The following XIRP2 variants were observed in gnomAD, a reference collection of about 807,000 sequenced individuals.
XIRP2 encodes xin actin-binding repeat-containing protein 2.
A neutral mutation model predicts 277.0 loss-of-function variants in XIRP2; 236 were observed. The ratio of observed to expected loss-of-function variants is 0.85; its 90% CI spans 0.77 to 0.95. XIRP2 has a LOEUF of 0.95. XIRP2 is among the 40% of genes least tolerant of loss of function. The pLI is 0.00. For synonymous variants in XIRP2, 1,490 were observed against 1,416.5 expected (o/e 1.05, Z -1.17); for missense variants, 4,640 against 4,157.5 (o/e 1.12, Z -3.19).
At chr2:167,098,568 C>G (rs1171081280) in intron 2 of XIRP2, among the ~76,000 whole-genome samples, 1 of 152,220 alleles carries the variant, frequency 6.6e-6, no homozygotes, top group Non-Finnish European at 1.5e-5. Context: ...CATTCTCCAT[C>G]CGGTTTTGTT....
At chr2:167,170,143 A>T (rs79619223) in intron 3 of XIRP2, among the ~76,000 whole-genome samples, 2,700 of 152,268 alleles carry the variant, frequency 0.018, 76 homozygotes, top group African/African-American at 0.062. Context: ...AGTTATTGCA[A>T]TGATAAAGAA....
intron 2 of XIRP2, among the ~76,000 whole-genome samples, chr2:166,913,123 T>C (rs541389743): frequency 2.6e-5 from 4 of 152,296 alleles, no homozygotes; most frequent in South Asian, 4.1e-4. Flanking sequence ...CACTACTCAC[T>C]TCAAAGCTGT....
At chr2:167,222,017 T>C (rs1328371776) in intron 5 of XIRP2, among the ~76,000 whole-genome samples, 1 of 152,180 alleles carries the variant, frequency 6.6e-6, no homozygotes, top group Non-Finnish European at 1.5e-5. Context: ...TAGCTGACTA[T>C]TTGGTAACAG....
intron 2 of XIRP2, among the ~76,000 whole-genome samples, chr2:167,130,346 A>G (rs1256081331): frequency 6.6e-6 from 1 of 152,190 alleles, no homozygotes; most frequent in East Asian, 1.9e-4. Flanking sequence ...TTACAAGGAC[A>G]TTGATACACA....
At chr2:166,898,828 T>C (rs1427580424) in intron 1 of XIRP2, among the ~76,000 whole-genome samples, 1 of 152,138 alleles carries the variant, frequency 6.6e-6, no homozygotes, top group Non-Finnish European at 1.5e-5. Flanking sequence ...GTTCTGCACA[T>C]TTGTAATTTT....
At chr2:166,933,808 G>A (rs1685416002) in intron 2 of XIRP2, among the ~76,000 whole-genome samples, 1 of 152,006 alleles carries the variant, frequency 6.6e-6, no homozygotes, top group African/African-American at 2.4e-5. Flanking sequence ...TGATATTTGG[G>A]TCTTTTAAGG....
At position 167,244,156 on chromosome 2, in the gene XIRP2, G is replaced by A. The variant is rs745919983; in HGVS notation, c.2764G>A (p.Glu922Lys). The A allele has an allele frequency of 6.2e-6, 10 of 1,613,928 alleles. No individual in the cohort carries two copies. The Admixed American group carries it at 1.5e-4, about 24-fold the overall frequency. ...ATGGATTTTTGAAACCCAACCTCTG[G>A]AAGACATTAGAAAAGATAAAAAGGA... Reference protein sequence around the residue: ...QKWIFETQPLEDIRKDKKEYT... With the variant: ...QKWIFETQPLKDIRKDKKEYT... Residue 922 changes from glutamate to lysine, a missense_variant, in exon 9 of 11, where the codon GAA becomes AAA. Transcript: ENST00000409195.
intron 2 of XIRP2, among the ~76,000 whole-genome samples, chr2:166,917,765 A>G (rs548492596): frequency 6.6e-6 from 1 of 152,172 alleles, no homozygotes; most frequent in South Asian, 2.1e-4. Context: ...CCCTTGTGTT[A>G]TAAGAATATT....
chr2:167,053,291 C>T (rs531028324), intron 2 of XIRP2, among the ~76,000 whole-genome samples: 1 of 152,124 alleles, frequency 6.6e-6, no homozygotes, highest in African/African-American at 2.4e-5. Flanking sequence ...TCTTGCATGC[C>T]TATGTTTACA....
At chr2:167,183,526 G>C (rs1693075584) in intron 3 of XIRP2, among the ~76,000 whole-genome samples, 1 of 152,064 alleles carries the variant, frequency 6.6e-6, no homozygotes. Flanking sequence ...ACAATCTGCT[G>C]TTAAATCTAC....
chr2:166,936,659 T>C (rs562052854), intron 2 of XIRP2, among the ~76,000 whole-genome samples: 83 of 152,350 alleles, frequency 5.4e-4, no homozygotes, highest in African/African-American at 2.0e-3. Context: ...GAACCATTTA[T>C]TAAATAGGGA....
intron 2 of XIRP2, among the ~76,000 whole-genome samples, chr2:167,002,205 A>G (rs926093123): frequency 1.3e-5 from 2 of 152,104 alleles, no homozygotes; most frequent in Non-Finnish European, 2.9e-5. Flanking sequence ...AATCAGATTT[A>G]TTACCTAAAG....
intron 2 of XIRP2, among the ~76,000 whole-genome samples, chr2:166,960,020 C>T (rs1179241687): frequency 1.3e-5 from 2 of 151,864 alleles, no homozygotes; most frequent in African/African-American, 4.8e-5. Context: ...CTGCCAGTTT[C>T]TTGTCACATG....
intron 3 of XIRP2, among the ~76,000 whole-genome samples, chr2:167,173,275 C>T (rs1369467883): frequency 6.6e-6 from 1 of 151,718 alleles, no homozygotes; most frequent in African/African-American, 2.4e-5. Context: ...TCCCTGACAA[C>T]ACCACACTAT....
Position 167,247,325 on chromosome 2 carries a change from A to G in XIRP2, c.5933A>G (p.Gln1978Arg), listed in dbSNP as rs1393163890. The stretch of plus-strand genomic sequence containing the variant: ...CAGAGGAACAAAAATAGTCTTCTTC[A>G]GCCAAAGCCAGGTCCATTTGAGCCA... ...AVQRNKNSLL[Q>R]PKPGPFEPAA... Residue 1978 changes from glutamine (Q) to arginine (R), a missense_variant, in exon 9 of 11, where the codon CAG (glutamine) becomes CGG (arginine). Coordinates refer to ENST00000409195, the MANE Select transcript of XIRP2 (RefSeq NM_152381.6). 1.9e-6 allele frequency: 3 copies of G among 1,613,672 alleles called. No homozygotes were observed. The highest frequency in any genetic ancestry group is 2.5e-6 in the Non-Finnish European group (3 of 1,179,838).
At position 167,250,436 on chromosome 2, in the gene XIRP2, T is replaced by G. The variant is rs117054380; in HGVS notation, c.9044T>G (p.Ile3015Ser). ...AAAGTAAAAGAAGAAATAACACATA[T>G]TAAAACTCAAGCGGAAGATATGCTT... ...LEKVKEEITH[I>S]KTQAEDMLVS... The change falls in exon 9 of 11, where the codon ATT (isoleucine) becomes AGT (serine). Residue 3015 changes from isoleucine (I) to serine (S), a missense_variant. Transcript: ENST00000409195. 2 of 1,613,330 alleles carry G rather than the reference T, an allele frequency of 1.2e-6. No individual in the cohort carries two copies. Among genetic ancestry groups the G allele is most frequent in the Non-Finnish European group, 8.5e-7 (1 of 1,179,650 alleles).
chr2:167,064,847 G>A (rs1343091459), intron 2 of XIRP2, among the ~76,000 whole-genome samples: 4 of 151,772 alleles, frequency 2.6e-5, no homozygotes, highest in Non-Finnish European at 5.9e-5. Context: ...CCTTTTTTAA[G>A]GCTGAATAAT....
Position 167,244,510 on chromosome 2 carries a change from A to G in XIRP2, c.3118A>G (p.Arg1040Gly). ...DESIHKFQII[R>G]GISAQEIQTG... is the part of the protein sequence containing the mutation. Reference sequence around the variant, plus strand: ...AAGCATTCATAAATTTCAAATAATTAGAGGAATATCTGCTCAAGAAATACA... The same window carrying G: ...AAGCATTCATAAATTTCAAATAATTGGAGGAATATCTGCTCAAGAAATACA... Residue 1040 changes from arginine (R) to glycine (G), a missense_variant, in exon 9 of 11, where the codon AGA becomes GGA. Coordinates refer to ENST00000409195, the MANE Select transcript of XIRP2 (RefSeq NM_152381.6). 1 of 1,613,724 alleles carries G rather than the reference A, an allele frequency of 6.2e-7. No individual in the cohort carries two copies. Among genetic ancestry groups the G allele is most frequent in the Non-Finnish European group, 8.5e-7 (1 of 1,179,792 alleles).
rs576970489 is a variant in XIRP2, at chr2:167,008,725, A to G, written c.408+104835A>G. The stretch of plus-strand genomic sequence containing the variant: ...AAAATAATCACAAACCTGAAACTAA[A>G]TAAGTACATAATTATGGACCTTTGT... On this transcript the variant is annotated intron_variant, in intron 2 of 10. Coordinates refer to ENST00000409195, the MANE Select transcript of XIRP2 (RefSeq NM_152381.6). Among the ~76,000 whole-genome samples the G allele has an allele frequency of 2.6e-5, 4 of 151,796 alleles. No homozygotes were observed. The Admixed American group carries it at 2.6e-4, about 10-fold the overall frequency.
Sources: allele counts gnomAD v4.1 joint callset (sites outside exome capture counted in the v4.1 genomes callset), GRCh38; gene constraint gnomAD v4.1.1; transcripts MANE v1.5; gene names NCBI Gene and HGNC (gene_info 2026-07-23, HGNC 2026-07-21).